The following ZNF541 variants were observed in gnomAD, a reference collection of about 807,000 sequenced individuals.
The protein encoded by ZNF541 is zinc finger protein 541.
In ZNF541, 23 loss-of-function variants were observed where a neutral mutation model predicts 123.5. That is an observed-to-expected ratio of 0.19 (90% CI 0.13 to 0.26). The LOEUF (loss-of-function observed/expected upper bound fraction) is 0.26, where lower values mean the gene tolerates loss of function less well. Ranked by LOEUF, ZNF541 falls within the 10% of genes least tolerant of loss-of-function variation. The pLI is 1.00. For synonymous variants in ZNF541, 751 were observed against 754.5 expected (o/e 1.00, Z 0.08); for missense variants, 1,612 against 1,789.9 (o/e 0.90, Z 1.79).
intron 1 of ZNF541, among the ~76,000 whole-genome samples, chr19:47,572,625 A>G (rs1971514329): frequency 1.3e-5 from 2 of 151,956 alleles, no homozygotes; most frequent in Non-Finnish European, 2.9e-5. Context: ...CCAAAGTGGG[A>G]CTATGGAGGA....
intron 12 of ZNF541, among the ~76,000 whole-genome samples, chr19:47,530,032 A>G (rs1464195694): frequency 6.6e-6 from 1 of 152,112 alleles, no homozygotes; most frequent in African/African-American, 2.4e-5. Flanking sequence ...ACAATTGAAA[A>G]CATTTTATTT....
chr19:47,529,847 C>A (rs1969482163), intron 12 of ZNF541, among the ~76,000 whole-genome samples, 195 bp from the exon 13 acceptor site: 1 of 152,196 alleles, frequency 6.6e-6, no homozygotes, highest in South Asian at 2.1e-4. Flanking sequence ...ACCAGGCACA[C>A]CACTGAATGC....
At position 47,545,153 on chromosome 19, in the gene ZNF541, T is replaced by G; in HGVS notation, c.1376A>C (p.Glu459Ala). Residue 459 changes from glutamate to alanine, a missense_variant, in exon 5 of 17, where the codon GAG (glutamate) becomes GCG (alanine). This residue lies in a region of ZNF541 where 1,080 missense variants were observed against 1,013.8 expected (regional missense o/e 1.07). Coordinates refer to ENST00000391901, the MANE Select transcript of ZNF541 (RefSeq NM_001277075.3). The surrounding 1 kb of genome is among the most constrained non-coding windows in gnomAD (Gnocchi z 7.5). ...GCCACCGCCGGGGCCGGGCGGGGAC[T>G]CCTCCGAGGGGCTTCCGCTGCTGGG... ...PGPSSGSPSE[E>A]SPPGPGGGLE... 2 of 1,485,150 alleles carry G rather than the reference T, an allele frequency of 1.3e-6. No homozygotes were observed. Among genetic ancestry groups the G allele is most frequent in the Non-Finnish European group, 1.8e-6 (2 of 1,117,302 alleles). The allele number at this position is 1,485,150 out of a possible 1,614,324, so 92.0% of individuals were successfully genotyped here.
At chr19:47,546,018 C>T (rs1358636242) in intron 4 of ZNF541, 38 bp from the exon 5 acceptor site, 1 of 1,436,882 alleles carries the variant, frequency 7.0e-7, no homozygotes, top group East Asian at 2.5e-5. Context: ...ACCGGGGCAC[C>T]TGGGACCGGG....
At position 47,544,630 on chromosome 19, in the gene ZNF541, C is replaced by A; in HGVS notation, c.1899G>T (p.Gly633=). The part of the protein sequence containing the change: ...SPARRRKTTP[G]VPREASPGST... ...TGCCGGGGGAGGCCTCTCTGGGAAC[C>A]CCGGGTGTGGTTTTTCTCCTGCGGG... The change falls in exon 5 of 17, where the codon GGG becomes GGT. Residue 633 remains glycine, a synonymous_variant. Transcript: ENST00000391901. The A allele has an allele frequency of 6.5e-7, 1 of 1,549,886 alleles. No homozygotes were observed. The highest frequency in any genetic ancestry group is 8.7e-7 in the Non-Finnish European group (1 of 1,146,606).
chr19:47,558,418 A>AAAAT (rs932198496), intron 2 of ZNF541, among the ~76,000 whole-genome samples: 16 of 151,986 alleles, frequency 1.1e-4, no homozygotes, highest in Non-Finnish European at 1.5e-4. Context: ...TCCATCTCAA[A>AAAAT]AAATAAATAA....
rs115759017 is a variant in ZNF541, at chr19:47,529,425, C to G, written c.3481+152G>C. 4.0e-3 allele frequency among the ~76,000 whole-genome samples: 609 copies of G among 152,332 alleles called. 5 individuals carry two copies. The highest frequency in any genetic ancestry group is 0.014 in the African/African-American group (587 of 41,592). On this transcript the variant is annotated intron_variant, in intron 13 of 16. Coordinates refer to ENST00000391901, the MANE Select transcript of ZNF541 (RefSeq NM_001277075.3). The stretch of plus-strand genomic sequence containing the variant: ...TCCCACTAGCAGAATGTGGCGCCCA[C>G]TGAGTCATCCCGACAAGGACAGGCC...
intron 6 of ZNF541, 39 bp from the exon 7 acceptor site, chr19:47,540,374 A>C: frequency 1.3e-6 from 2 of 1,509,722 alleles, no homozygotes; most frequent in Non-Finnish European, 1.8e-6. Flanking sequence ...GGAGATTAGG[A>C]CTCTGTCCTT....
intron 3 of ZNF541, among the ~76,000 whole-genome samples, chr19:47,554,263 A>C (rs1970723086): frequency 6.6e-6 from 1 of 151,990 alleles, no homozygotes; most frequent in Non-Finnish European, 1.5e-5. Context: ...AAACCCCTTC[A>C]CTACTAAAAA....
rs1256665594 is a variant in ZNF541, at chr19:47,538,244, G to C, written c.2992C>G (p.Pro998Ala). 1.9e-6 allele frequency: 3 copies of C among 1,551,632 alleles called. No individual in the cohort carries two copies. The highest frequency in any genetic ancestry group is 2.4e-5 in the South Asian group (2 of 84,058). Residue 998 changes from proline to alanine, a missense_variant, in exon 9 of 17, where the codon CCA becomes GCA. By Grantham distance (27) the Pro-to-Ala change is conservative. This residue lies in a region of ZNF541 where 285 missense variants were observed against 407.3 expected (regional missense o/e 0.70). Transcript: ENST00000391901. ...LFQCSPYTPP[P>A]MLSPIREGSG... The stretch of plus-strand genomic sequence containing the variant: ...CCCTCCCGGATGGGGCTGAGCATTG[G>C]GGGTGGTGTGTAGGGGGAGCACTGG...
rs772342061 is a variant in ZNF541, at chr19:47,527,134, A to G, written c.3570+1816T>C. On this transcript the variant is annotated intron_variant, in intron 14 of 16. Coordinates refer to ENST00000391901, the MANE Select transcript of ZNF541 (RefSeq NM_001277075.3). Reference sequence around the variant, plus strand: ...AGCAAACTCTAGGAAATGAAAACGAATTTACAGTGCCCTGGCAGATCAGTG... The same window carrying G: ...AGCAAACTCTAGGAAATGAAAACGAGTTTACAGTGCCCTGGCAGATCAGTG... Among the ~76,000 whole-genome samples the G allele has an allele frequency of 2.5e-4, 38 of 152,160 alleles. 1 individual carries two copies. Among genetic ancestry groups the G allele is most frequent in the Non-Finnish European group, 4.0e-4 (27 of 68,032 alleles).
chr19:47,572,742 C>T (rs1206978948), intron 1 of ZNF541, among the ~76,000 whole-genome samples: 1 of 102,468 alleles, frequency 9.8e-6, no homozygotes, highest in Non-Finnish European at 2.0e-5. Context: ...AGCTGGGGGG[C>T]TGCGAGGGGG....
intron 14 of ZNF541, among the ~76,000 whole-genome samples, chr19:47,523,454 T>C (rs1037757950): frequency 4.0e-5 from 6 of 151,710 alleles, no homozygotes; most frequent in Non-Finnish European, 5.9e-5. Flanking sequence ...CACCCAAATG[T>C]TTTTCAGCTT....
intron 2 of ZNF541, among the ~76,000 whole-genome samples, chr19:47,565,822 T>A (rs1254608556): frequency 6.6e-6 from 1 of 152,170 alleles, no homozygotes; most frequent in East Asian, 1.9e-4. Context: ...GCCTTAATAG[T>A]TTTAAAACAA....
At position 47,540,322 on chromosome 19, in the gene ZNF541, C is replaced by T. The variant is rs371040136; in HGVS notation, c.2476G>A (p.Gly826Ser). 55 of 1,551,652 alleles carry T rather than the reference C, an allele frequency of 3.5e-5. No homozygotes were observed. Among genetic ancestry groups the T allele is most frequent in the Non-Finnish European group, 4.6e-5 (53 of 1,146,876 alleles). The stretch of plus-strand genomic sequence containing the variant: ...GGCTTCGTCCAGTCTGTGGGACTGC[C>T]GTTTTGCTGGTTACTGTGGGACATG... The part of the protein sequence containing the change: ...NVAGRGNQQN[G>S]SPTDWTKPRS... The change falls in exon 7 of 17, where the codon GGC (glycine) becomes AGC (serine). Residue 826 changes from glycine to serine, a missense_variant. By Grantham distance (56) the Gly-to-Ser change is moderately conservative. Coordinates refer to ENST00000391901, the MANE Select transcript of ZNF541 (RefSeq NM_001277075.3).
intron 4 of ZNF541, among the ~76,000 whole-genome samples, chr19:47,546,202 AAAGT>A (rs1970348938): frequency 8.1e-6 from 1 of 123,986 alleles, no homozygotes; most frequent in African/African-American, 5.2e-5. Flanking sequence ...CCCTTACAGA[AAAGT>A]AAAAAAAAAA....
At chr19:47,526,651 T>A (rs1159200719) in intron 14 of ZNF541, among the ~76,000 whole-genome samples, 1 of 152,152 alleles carries the variant, frequency 6.6e-6, no homozygotes, top group African/African-American at 2.4e-5. Context: ...CACACTGTCA[T>A]GAGAATGGCT....
chr19:47,525,938 A>C (rs1969273998), intron 14 of ZNF541, among the ~76,000 whole-genome samples: 1 of 151,764 alleles, frequency 6.6e-6, no homozygotes, highest in African/African-American at 2.4e-5. Flanking sequence ...AAAAAAAAAA[A>C]AAACTTCTAG....
chr19:47,555,515 C>T (rs973084625), intron 3 of ZNF541, 35 bp downstream of exon 3: 1 of 1,490,028 alleles, frequency 6.7e-7, no homozygotes, highest in Admixed American at 2.3e-5. Context: ...TGTCGAACAT[C>T]CTGCAGGGCC....
Sources: gnomAD v4.1 joint callset for allele counts (sites outside exome capture counted in the v4.1 genomes callset) on GRCh38, gnomAD v4.1.1 for gene constraint, gnomAD v4.1.1 regional missense constraint, Gnocchi (gnomAD v3.1) non-coding constraint, MANE v1.5 for transcripts, NCBI Gene and HGNC (gene_info 2026-07-23, HGNC 2026-07-21) for gene names.